QTMAN: variants seen among roughly 807,000 people sequenced by gnomAD.
QTMAN encodes tRNA-queuosine alpha-mannosyltransferase.
At chr2:144,161,002 GC>G in the QTMAN span, among the ~76,000 whole-genome samples, 1 of 152,042 alleles carries the variant, frequency 6.6e-6, no homozygotes, top group African/African-American at 2.4e-5. Context: ...CCAAGAAAAT[GC>G]TGGAAATCCT....
chr2:144,060,146 C>T, the QTMAN span, among the ~76,000 whole-genome samples: 2 of 150,954 alleles, frequency 1.3e-5, no homozygotes, highest in Admixed American at 1.3e-4. Flanking sequence ...AGTTTGGCTC[C>T]ACTAAAAAAA....
At chr2:144,192,684 A>G in the QTMAN span, among the ~76,000 whole-genome samples, 1 of 152,236 alleles carries the variant, frequency 6.6e-6, no homozygotes, top group Non-Finnish European at 1.5e-5. Context: ...CTACTAAGAC[A>G]ATGCTTTCAG....
At chr2:144,182,255 T>C in the QTMAN span, among the ~76,000 whole-genome samples, 3 of 152,076 alleles carry the variant, frequency 2.0e-5, no homozygotes, top group Admixed American at 2.0e-4. Context: ...AGTTTTTTAA[T>C]CCATATAAAT....
At chr2:143,998,813 G>C in the QTMAN span, among the ~76,000 whole-genome samples, 1 of 151,910 alleles carries the variant, frequency 6.6e-6, no homozygotes, top group Admixed American at 6.6e-5. Context: ...AAATCTTGAA[G>C]GCTTTGTATT....
the QTMAN span, among the ~76,000 whole-genome samples, chr2:144,264,151 T>C: frequency 6.6e-6 from 1 of 152,156 alleles, no homozygotes; most frequent in African/African-American, 2.4e-5. Flanking sequence ...TATTTATTTG[T>C]CAAAACACAA....
chr2:144,297,422 T>A, the QTMAN span, among the ~76,000 whole-genome samples: 8 of 152,032 alleles, frequency 5.3e-5, no homozygotes, highest in Non-Finnish European at 8.8e-5. Context: ...AAAATTCAAA[T>A]AATCCTCATG....
chr2:144,133,443 A>ATATATAATATATAATATATATTATATAT, the QTMAN span, among the ~76,000 whole-genome samples: 6 of 62,886 alleles, frequency 9.5e-5, no homozygotes, highest in African/African-American at 2.7e-4. Context: ...ATAATATATA[A>ATATATAATATATAATATATATTATATAT]TATATAATAT....
At chr2:144,313,462 A>G in the QTMAN span, among the ~76,000 whole-genome samples, 786 of 152,324 alleles carry the variant, frequency 5.2e-3, 10 homozygotes, top group African/African-American at 0.018. Context: ...AAGCAACTCA[A>G]TGTGAAATAC....
the QTMAN span, among the ~76,000 whole-genome samples, chr2:144,277,822 T>C: frequency 6.6e-6 from 1 of 152,138 alleles, no homozygotes; most frequent in East Asian, 1.9e-4. Context: ...CTGTGGCAGA[T>C]ATAGAAGATT....
At chr2:143,988,157 C>T in the QTMAN span, among the ~76,000 whole-genome samples, 1 of 152,302 alleles carries the variant, frequency 6.6e-6, no homozygotes, top group East Asian at 1.9e-4. Flanking sequence ...TTGCTGTTTT[C>T]TCAGGTCTAT....
chr2:144,254,849 G>A, the QTMAN span, among the ~76,000 whole-genome samples: 1 of 152,216 alleles, frequency 6.6e-6, no homozygotes, highest in African/African-American at 2.4e-5. Context: ...GTGAGACATG[G>A]AGTCAAAGAG....
the QTMAN span, among the ~76,000 whole-genome samples, chr2:144,314,784 G>A: frequency 1.3e-5 from 2 of 152,146 alleles, no homozygotes; most frequent in African/African-American, 2.4e-5. Context: ...TTTTTTGAAA[G>A]TGGGATAGTT....
At chr2:144,139,260 T>C in the QTMAN span, among the ~76,000 whole-genome samples, 1 of 152,032 alleles carries the variant, frequency 6.6e-6, no homozygotes, top group Non-Finnish European at 1.5e-5. Flanking sequence ...GTGTCGATTA[T>C]AGGACTGTGA....
the QTMAN span, among the ~76,000 whole-genome samples, chr2:144,322,973 C>G: frequency 2.6e-5 from 4 of 152,172 alleles, no homozygotes; most frequent in Non-Finnish European, 5.9e-5. Flanking sequence ...GACAATAGCA[C>G]AGCAGGTAAC....
the QTMAN span, among the ~76,000 whole-genome samples, chr2:144,213,405 TA>T: frequency 2.0e-5 from 3 of 152,218 alleles, no homozygotes; most frequent in Non-Finnish European, 2.9e-5. Flanking sequence ...AAATATTAAG[TA>T]TATCATGTCA....
the QTMAN span, among the ~76,000 whole-genome samples, chr2:143,964,972 A>G: frequency 6.6e-6 from 1 of 152,128 alleles, no homozygotes; most frequent in South Asian, 2.1e-4. Flanking sequence ...AGAAAATAAT[A>G]TTTTGTTTAG....
chr2:144,192,670 T>C, the QTMAN span, among the ~76,000 whole-genome samples: 3 of 152,236 alleles, frequency 2.0e-5, no homozygotes, highest in Non-Finnish European at 4.4e-5. Flanking sequence ...TTTGTAAGTT[T>C]TACCTACTAA....
chr2:144,302,938 C>A, the QTMAN span, among the ~76,000 whole-genome samples: 1 of 152,030 alleles, frequency 6.6e-6, no homozygotes, highest in African/African-American at 2.4e-5. Context: ...CCTGTCTGTA[C>A]TAAAAATACA....
chr2:144,024,682 T>G, the QTMAN span, among the ~76,000 whole-genome samples: 2 of 152,214 alleles, frequency 1.3e-5, no homozygotes, highest in Admixed American at 6.5e-5. Context: ...AATGAAGACC[T>G]GCTATGCAGT....
Sources: allele counts gnomAD v4.1 joint callset (sites outside exome capture counted in the v4.1 genomes callset), GRCh38; gene constraint gnomAD v4.1.1; transcripts MANE v1.5; gene names NCBI Gene and HGNC (gene_info 2026-07-23, HGNC 2026-07-21).